Variants in IQUB observed in about 807,000 individuals in gnomAD.
The protein encoded by IQUB is IQ motif and ubiquitin domain containing, also known as IQ motif and ubiquitin-like domain-containing protein.
IQUB carries 86 observed loss-of-function variants against 86.4 expected under a neutral mutation model. The observed-to-expected ratio is 1.00, with a 90% CI of 0.84 to 1.19. IQUB has a LOEUF of 1.19. IQUB is among the 50% of genes most tolerant of loss of function. The pLI is 0.00. For synonymous variants in IQUB, 289 were observed against 304.5 expected, an observed-to-expected ratio of 0.95 and a Z score of 0.53; for missense variants, 946 against 916.9, an observed-to-expected ratio of 1.03 and a Z score of -0.41.
At chr7:123,503,516 G>A (rs1475784373) in intron 3 of IQUB, among the ~76,000 whole-genome samples, 153 bp from the exon 4 acceptor site, 1 of 152,016 alleles carries the variant, frequency 6.6e-6, no homozygotes, top group Non-Finnish European at 1.5e-5. Flanking sequence ...GCTTAATACA[G>A]CTATTAACAT....
intron 5 of IQUB, 66 bp from the exon 6 acceptor site, chr7:123,502,818 C>T (rs1796007827): frequency 7.2e-7 from 1 of 1,386,612 alleles, no homozygotes; most frequent in Non-Finnish European, 9.9e-7. Context: ...AGTTTTTCTA[C>T]ATATGTGAGT....
At chr7:123,483,835 G>A (rs1300249583) in intron 7 of IQUB, among the ~76,000 whole-genome samples, 1 of 152,030 alleles carries the variant, frequency 6.6e-6, no homozygotes, top group Non-Finnish European at 1.5e-5. Flanking sequence ...ATATACTCTT[G>A]CATTGTTATA....
intron 1 of IQUB, among the ~76,000 whole-genome samples, chr7:123,514,295 G>C (rs1171643276): frequency 2.6e-5 from 4 of 151,964 alleles, no homozygotes; most frequent in African/African-American, 9.7e-5. Context: ...TGTGCACCCA[G>C]CAAAATTACC....
chr7:123,471,824 A>G (rs1302287655), intron 8 of IQUB, among the ~76,000 whole-genome samples: 3 of 152,232 alleles, frequency 2.0e-5, no homozygotes, highest in East Asian at 3.8e-4. Flanking sequence ...TTGCACTTGT[A>G]AAAACACACA....
At position 123,452,364 on chromosome 7, in the gene IQUB, G is replaced by GCTTC. The variant is rs1455211313; in HGVS notation, c.*375_*378dup. On this transcript the variant is annotated 3_prime_UTR_variant, in exon 13 of 13. Coordinates refer to ENST00000324698, the MANE Select transcript of IQUB (RefSeq NM_178827.5). ...TTTCCTCCCCTCCACATACTGATTA[G>GCTTC]CTTCCTATAACTACATTCTATCTAA... 1.3e-5 allele frequency: 2 copies of GCTTC among 154,164 alleles called. No homozygotes were observed. The highest frequency in any genetic ancestry group is 2.9e-5 in the Non-Finnish European group (2 of 69,556). 9.5% of individuals were successfully genotyped at this position (154,164 alleles called of 1,614,324 possible).
In IQUB at chr7:123,469,285, A is replaced by T; in HGVS notation, c.1510T>A (p.Cys504Ser). The change falls in exon 9 of 13, where the codon TGC becomes AGC. Residue 504 changes from cysteine to serine, a missense_variant. Cys to Ser is a moderately radical substitution (Grantham distance 112). Coordinates refer to ENST00000324698, the MANE Select transcript of IQUB (RefSeq NM_178827.5). ...RARELQNIYK[C>S]IMLKNISQDE... The stretch of plus-strand genomic sequence containing the variant: ...TGGGAGATATTTTTCAGCATAATGC[A>T]CTTATAGATATTTTGCAGCTCTCTG... 6.2e-7 allele frequency: 1 copy of T among 1,609,030 alleles called. No homozygotes were observed. The highest frequency in any genetic ancestry group is 1.7e-4 in the Middle Eastern group (1 of 6,044).
At position 123,509,937 on chromosome 7, in the gene IQUB, C is replaced by T; in HGVS notation, c.496G>A (p.Gly166Ser). The T allele has an allele frequency of 6.2e-7, 1 of 1,609,420 alleles. No individual in the cohort carries two copies. The highest frequency in any genetic ancestry group is 2.2e-5 in the East Asian group (1 of 44,670). ...ATCTGCAGTACAGAATGTGGGATACCTAATAAGTGTGAAAAATGGTCCTTA... is the reference window on the plus strand; with the variant it reads ...ATCTGCAGTACAGAATGTGGGATACTTAATAAGTGTGAAAAATGGTCCTTA... ...YLKDHFSHLL[G>S]IPHSVLQIRY... is the part of the protein sequence containing the mutation. The change falls in exon 3 of 13, where the codon GGT (glycine) becomes AGT (serine). Residue 166 changes from glycine to serine, a missense_variant. Physicochemically the swap from Gly to Ser is moderately conservative, Grantham distance 56. Transcript: ENST00000324698.
At chr7:123,494,544 C>T (rs1376558828) in intron 7 of IQUB, among the ~76,000 whole-genome samples, 1 of 151,860 alleles carries the variant, frequency 6.6e-6, no homozygotes, top group Non-Finnish European at 1.5e-5. Flanking sequence ...TAGAAAAACC[C>T]GAAAGATGTC....
At chr7:123,509,846 T>C (rs868409464) in intron 3 of IQUB, 55 bp downstream of exon 3, 2 of 1,443,836 alleles carry the variant, frequency 1.4e-6, no homozygotes, top group South Asian at 1.2e-5. Context: ...ATCTTGATTG[T>C]TTACATGTTA....
chr7:123,515,912 AG>A (rs1161498156), intron 1 of IQUB, among the ~76,000 whole-genome samples: 1 of 152,164 alleles, frequency 6.6e-6, no homozygotes, highest in Non-Finnish European at 1.5e-5. Context: ...CCAAAGCCTA[AG>A]GGTAAAGATA....
At chr7:123,487,838 T>C (rs148588006) in intron 7 of IQUB, among the ~76,000 whole-genome samples, 32 of 152,284 alleles carry the variant, frequency 2.1e-4, no homozygotes, top group Middle Eastern at 3.4e-3. Flanking sequence ...GCTCTCACTA[T>C]AGAAGTTACC....
intron 7 of IQUB, among the ~76,000 whole-genome samples, chr7:123,483,364 T>G (rs980519856): frequency 1.3e-5 from 2 of 152,124 alleles, no homozygotes; most frequent in African/African-American, 4.8e-5. Context: ...ATCTTTCAGA[T>G]GGAGATTATT....
rs1201434488 is a variant in IQUB, at chr7:123,496,714, GA to G, written c.1215del (p.Leu406PhefsTer5). ...AACTTACATTCTAATGCATTATAAA[GA>G]AATTCAAAATCTTCATTTGTTTTAG... is the stretch of plus-strand genomic sequence containing the variant. ...HNPKTNEDFE[F>X]LYNALEFWRQ... On this transcript the variant is annotated frameshift_variant, in exon 7 of 13. Transcript: ENST00000324698. LOFTEE classifies it high-confidence loss of function. 1.2e-6 allele frequency: 2 copies of G among 1,601,324 alleles called. No homozygotes were observed. The highest frequency in any genetic ancestry group is 1.7e-6 in the Non-Finnish European group (2 of 1,172,714).
intron 1 of IQUB, among the ~76,000 whole-genome samples, chr7:123,524,776 G>A (rs1797103593): frequency 6.8e-6 from 1 of 147,910 alleles, no homozygotes; most frequent in African/African-American, 2.5e-5. Context: ...CCTGTCTTGT[G>A]CCAGTTTTCA....
At chr7:123,497,757 T>C (rs1489439969) in intron 6 of IQUB, among the ~76,000 whole-genome samples, 1 of 149,944 alleles carries the variant, frequency 6.7e-6, no homozygotes, top group Non-Finnish European at 1.5e-5. Flanking sequence ...ACAAAGATAC[T>C]AGATCAAACT....
chr7:123,527,370 C>T (rs1355808497), intron 1 of IQUB, among the ~76,000 whole-genome samples: 1 of 152,230 alleles, frequency 6.6e-6, no homozygotes, highest in Non-Finnish European at 1.5e-5. Context: ...AACTGCGTTC[C>T]TCTGGAGGAG....
intron 1 of IQUB, among the ~76,000 whole-genome samples, chr7:123,526,456 C>T (rs1469492919): frequency 6.6e-6 from 1 of 152,106 alleles, no homozygotes; most frequent in East Asian, 1.9e-4. Flanking sequence ...TAAGTAATGG[C>T]CTTCTTTGTA....
At chr7:123,505,555 T>C (rs929653274) in intron 3 of IQUB, among the ~76,000 whole-genome samples, 2 of 152,212 alleles carry the variant, frequency 1.3e-5, no homozygotes, top group Non-Finnish European at 2.9e-5. Flanking sequence ...CCAAGGCTTA[T>C]GGCTTCCACC....
chr7:123,482,418 T>C (rs142228156), intron 7 of IQUB, among the ~76,000 whole-genome samples: 1 of 152,138 alleles, frequency 6.6e-6, no homozygotes, highest in East Asian at 1.9e-4. Flanking sequence ...TATAGACATA[T>C]CATATTGTAA....
Sources: gnomAD v4.1 joint callset for allele counts (sites outside exome capture counted in the v4.1 genomes callset) on GRCh38, gnomAD v4.1.1 for gene constraint, MANE v1.5 for transcripts, NCBI Gene and HGNC (gene_info 2026-07-23, HGNC 2026-07-21) for gene names.